Variants in MAP4 observed in about 807,000 individuals in gnomAD.
MAP4 encodes the protein microtubule-associated protein 4.
In MAP4, 76 loss-of-function variants were observed where a neutral mutation model predicts 170.2. That is an observed-to-expected ratio of 0.45 (90% CI 0.37 to 0.54). MAP4 has a LOEUF of 0.54. Ranked by LOEUF, MAP4 falls within the 20% of genes least tolerant of loss-of-function variation. The pLI, the probability that MAP4 is intolerant of heterozygous loss-of-function variation, is 0.00. For synonymous variants in MAP4, 909 were observed against 994.5 expected, an observed-to-expected ratio of 0.91 and a Z score of 1.62; for missense variants, 2,506 against 2,748.0, an observed-to-expected ratio of 0.91 and a Z score of 1.97.
At position 47,916,099 on chromosome 3, in the gene MAP4, A is replaced by T; in HGVS notation, c.1728T>A (p.Val576=). 1.2e-6 allele frequency: 2 copies of T among 1,614,118 alleles called. No homozygotes were observed. Among genetic ancestry groups the T allele is most frequent in the Non-Finnish European group, 1.7e-6 (2 of 1,180,026 alleles). ...TTGCCTCTGTTTCTGAGAGTGGTGG[A>T]ACATCTTTGGCTGGAGTCACATTGT... ...LANNVTPAKD[V]PPLSETEATP... Residue 576 remains valine (V), a synonymous_variant, in exon 7 of 21, where the codon GTT becomes GTA. Transcript: ENST00000683076.
chr3:48,067,369 G>A (rs1025115032), intron 1 of MAP4, among the ~76,000 whole-genome samples: 1 of 151,724 alleles, frequency 6.6e-6, no homozygotes, highest in Non-Finnish European at 1.5e-5. Context: ...GCGTGATTGC[G>A]CCAAGCTGGA....
rs768557719 is a variant in MAP4, at chr3:47,891,768, G to A, written c.5434+11182C>T. 1.2e-5 allele frequency: 19 copies of A among 1,536,462 alleles called. No homozygotes were observed. The South Asian group carries it at 2.0e-4, about 16-fold the overall frequency. On this transcript the variant is annotated intron_variant, in intron 10 of 20. Transcript: ENST00000683076. Reference sequence around the variant, plus strand: ...GTGGTGGGTGAATGCTCAATAATGGGGGCTGGGTGGGCTAGAGACACCAGG... The same window carrying A: ...GTGGTGGGTGAATGCTCAATAATGGAGGCTGGGTGGGCTAGAGACACCAGG...
chr3:47,970,749 G>A (rs1252705983), intron 3 of MAP4, among the ~76,000 whole-genome samples: 4 of 152,232 alleles, frequency 2.6e-5, no homozygotes, highest in South Asian at 4.1e-4. Context: ...CCTGGGAGAC[G>A]GAGGTTGCAG....
At chr3:47,972,615 G>A (rs111304586) in intron 3 of MAP4, among the ~76,000 whole-genome samples, 3 of 152,164 alleles carry the variant, frequency 2.0e-5, no homozygotes, top group East Asian at 1.9e-4. Flanking sequence ...GGCTGGGCGC[G>A]GTGGCTCACG....
intron 2 of MAP4, among the ~76,000 whole-genome samples, chr3:47,981,815 G>A (rs1321916426): frequency 6.6e-6 from 1 of 151,926 alleles, no homozygotes; most frequent in Non-Finnish European, 1.5e-5. Context: ...TGTGATTAGG[G>A]TTTCTTCACT....
At chr3:47,906,143 G>A (rs1265474677) in intron 9 of MAP4, among the ~76,000 whole-genome samples, 1 of 150,972 alleles carries the variant, frequency 6.6e-6, no homozygotes, top group African/African-American at 2.4e-5. Flanking sequence ...ATTTGTCTAT[G>A]TTGAGGGTGG....
Position 48,021,618 on chromosome 3 carries a change from T to A in MAP4, c.-19-22739A>T, listed in dbSNP as rs909402231. 2.0e-5 allele frequency among the ~76,000 whole-genome samples: 3 copies of A among 152,192 alleles called. No homozygotes were observed. The East Asian group carries it at 5.8e-4, about 29-fold the overall frequency. On this transcript the variant is annotated intron_variant, in intron 1 of 18. Coordinates refer to the MAP4 transcript ENST00000360240. ...GTCTTGGCCTCCTAAAGTGTTGGGA[T>A]TACAGGCGTGAGACACCACGCCCGG... is the stretch of plus-strand genomic sequence containing the variant.
At chr3:48,087,247 A>G (rs2100149528) in intron 1 of MAP4, among the ~76,000 whole-genome samples, 1 of 152,224 alleles carries the variant, frequency 6.6e-6, no homozygotes, top group African/African-American at 2.4e-5. Context: ...GCAAAGTTTA[A>G]AAGTTGCAAG....
intron 3 of MAP4, among the ~76,000 whole-genome samples, chr3:47,938,657 T>C (rs2100054479): frequency 6.6e-6 from 1 of 152,218 alleles, no homozygotes; most frequent in Non-Finnish European, 1.5e-5. Context: ...GTGCTAGGAT[T>C]ACATGCATGA....
At chr3:47,985,897 C>T (rs1655657739) in intron 2 of MAP4, among the ~76,000 whole-genome samples, 1 of 152,186 alleles carries the variant, frequency 6.6e-6, no homozygotes, top group African/African-American at 2.4e-5. Flanking sequence ...ATCTCATCAG[C>T]ATTTAACTTC....
intron 1 of MAP4, among the ~76,000 whole-genome samples, chr3:48,002,872 C>CA (rs1382084725): frequency 6.7e-6 from 1 of 149,312 alleles, no homozygotes; most frequent in Non-Finnish European, 1.5e-5. Context: ...AAATTTGTCT[C>CA]AAAAAACAAA....
At position 47,912,156 on chromosome 3, in the gene MAP4, G is replaced by C. The variant is rs1254446982; in HGVS notation, c.2265C>G (p.Gly755=). Reference sequence around the variant, plus strand: ...TGCTTTCTATATCCCAGGCCTCCCTGCCAAGATCCCTCTGGGGTTCAAGTG... The same window carrying C: ...TGCTTTCTATATCCCAGGCCTCCCTCCCAAGATCCCTCTGGGGTTCAAGTG... ...VDSLEPQRDL[G]REAWDIESTP... Residue 755 remains glycine, a synonymous_variant, in exon 9 of 21, where the codon GGC becomes GGG. Transcript: ENST00000683076. The C allele has an allele frequency of 6.5e-7, 1 of 1,536,114 alleles. No individual in the cohort carries two copies. Among genetic ancestry groups the C allele is most frequent in the South Asian group, 1.2e-5 (1 of 84,064 alleles).
In MAP4 at chr3:47,934,028, G is replaced by GA. The variant is rs147988942; in HGVS notation, c.293-5679dup. Among the ~76,000 whole-genome samples, 611 of 152,232 alleles carry GA rather than the reference G, an allele frequency of 4.0e-3. 5 individuals are homozygous for GA. Among genetic ancestry groups the GA allele is most frequent in the African/African-American group, 0.014 (592 of 41,550 alleles). ...GTATGTATTCATCACCATTTCAGTA[G>GA]ATATGTAAGGCCAATTTTACATAGG... is the stretch of plus-strand genomic sequence containing the variant. On this transcript the variant is annotated intron_variant, in intron 3 of 20. Coordinates refer to ENST00000683076, the MANE Select transcript of MAP4 (RefSeq NM_001385682.1).
At chr3:48,067,045 C>A (rs6805454) in intron 1 of MAP4, among the ~76,000 whole-genome samples, 1,577 of 151,782 alleles carry the variant, frequency 0.01, 27 homozygotes, top group African/African-American at 0.036. Flanking sequence ...TTTCACCATG[C>A]TAGCCAGGAT....
chr3:47,931,988 GGTTTTTTAGCA>G (rs2100050125), intron 3 of MAP4: 1 of 152,058 alleles, frequency 6.6e-6, no homozygotes, highest in African/African-American at 2.4e-5. Context: ...CGAGTTCAAA[GGTTTTTTAGCA>G]TATACACAGT....
intron 1 of MAP4, among the ~76,000 whole-genome samples, chr3:48,049,674 T>C (rs1016523216): frequency 6.6e-6 from 1 of 151,978 alleles, no homozygotes; most frequent in Admixed American, 6.6e-5. Context: ...GGCTCATGCC[T>C]GTAATCCCAG....
At chr3:47,858,031 TTTTTTTTTTAAGACA>T (rs1201917206) in intron 17 of MAP4, among the ~76,000 whole-genome samples, 1 of 147,082 alleles carries the variant, frequency 6.8e-6, no homozygotes, top group Admixed American at 6.8e-5. Flanking sequence ...CTTTTTTTTT[TTTTTTTTTTAAGACA>T]GAGTTTCACT....
chr3:47,932,098 C>A (rs59662152), intron 3 of MAP4, among the ~76,000 whole-genome samples: 1 of 152,156 alleles, frequency 6.6e-6, no homozygotes, highest in Non-Finnish European at 1.5e-5. Flanking sequence ...CCACTTTCCC[C>A]TACCCCTCGG....
chr3:47,958,629 G>C (rs4364189), intron 3 of MAP4, among the ~76,000 whole-genome samples: 3,201 of 151,212 alleles, frequency 0.021, 119 homozygotes, highest in Admixed American at 0.1. Flanking sequence ...TGATTCTCTT[G>C]CCTCAGCCTC....
Sources: gnomAD v4.1 joint callset for allele counts (sites outside exome capture counted in the v4.1 genomes callset) on GRCh38, gnomAD v4.1.1 for gene constraint, MANE v1.5 for transcripts, NCBI Gene and HGNC (gene_info 2026-07-23, HGNC 2026-07-21) for gene names.